Variants in LOXHD1 observed in about 807,000 individuals in gnomAD.
The protein encoded by LOXHD1 is lipoxygenase homology domain-containing protein 1.
In LOXHD1, 205 loss-of-function variants were observed where a neutral mutation model predicts 248.2. The ratio of observed to expected loss-of-function variants is 0.83; its 90% CI spans 0.74 to 0.93. LOXHD1 has a LOEUF of 0.93. Ranked by LOEUF, LOXHD1 falls within the 40% of genes least tolerant of loss-of-function variation. The probability of loss-of-function intolerance (pLI) is 0.00; values close to 1 mark genes in which losing one functional copy is unlikely to be tolerated. For missense variants in LOXHD1, 2,930 were observed against 2,971.6 expected, an observed-to-expected ratio of 0.99 and a Z score of 0.33; for synonymous variants, 1,113 against 1,162.8, an observed-to-expected ratio of 0.96 and a Z score of 0.87.
chr18:46,604,311 CTT>C, intron 6 of LOXHD1, 82 bp from the exon 7 acceptor site: 1 of 1,508,734 alleles, frequency 6.6e-7, no homozygotes, highest in South Asian at 1.3e-5. Context: ...CTTCCAATCA[CTT>C]GAGTCTACTT....
At chr18:46,598,150 G>A (rs1157026531) in intron 8 of LOXHD1, among the ~76,000 whole-genome samples, 1 of 152,082 alleles carries the variant, frequency 6.6e-6, no homozygotes, top group Non-Finnish European at 1.5e-5. Context: ...TAAAAAAGCA[G>A]TTAGTTTGCC....
chr18:46,503,318 A>T (rs1236377088), intron 37 of LOXHD1, among the ~76,000 whole-genome samples: 1 of 152,066 alleles, frequency 6.6e-6, no homozygotes. Context: ...GGGTAGACAG[A>T]CCTTGTCCTT....
chr18:46,518,110 A>C lies in LOXHD1; in HGVS notation c.5399+19T>G, dbSNP rs1335104420. ...GTTGAATGTGGGAGGGGTGAGGGGC[A>C]GGGGCCGCCTCCAGGTACCTGGCTT... On this transcript the variant is annotated intron_variant, in intron 34 of 40. Transcript: ENST00000642948. 6.5e-7 allele frequency: 1 copy of C among 1,548,956 alleles called. No individual in the cohort carries two copies. The highest frequency in any genetic ancestry group is 1.2e-5 in the South Asian group (1 of 83,978).
At chr18:46,559,427 G>A in intron 20 of LOXHD1, 21 bp downstream of exon 20, 1 of 1,551,958 alleles carries the variant, frequency 6.4e-7, no homozygotes, top group Non-Finnish European at 8.7e-7. Flanking sequence ...CCCACCCAGG[G>A]GCCAGAGACC....
rs747225244 is a variant in LOXHD1 at position 46,639,598 on chromosome 18, G to A, written c.511+18C>T. The A allele has an allele frequency of 3.2e-6, 5 of 1,543,228 alleles. No homozygotes were observed. Among genetic ancestry groups the A allele is most frequent in the Middle Eastern group, 1.7e-4 (1 of 5,918 alleles). On this transcript the variant is annotated intron_variant, in intron 4 of 40. Transcript: ENST00000642948. The stretch of plus-strand genomic sequence containing the variant: ...CCAGCTAGGGAGGGATGGCAGGCAG[G>A]CCAGCCTAGGCACTGACCTCTGGGC...
intron 2 of LOXHD1, among the ~76,000 whole-genome samples, chr18:46,647,087 T>C (rs1290865723): frequency 2.0e-5 from 3 of 152,166 alleles, no homozygotes; most frequent in African/African-American, 7.2e-5. Context: ...GGTCCATATA[T>C]AGGCAGAGAC....
intron 33 of LOXHD1, chr18:46,518,923 C>T: frequency 1.0e-6 from 1 of 985,556 alleles, no homozygotes; most frequent in Non-Finnish European, 1.2e-6. Flanking sequence ...AGACAATCCC[C>T]TAGTTCCATG....
chr18:46,512,211 C>T (rs555224752), intron 34 of LOXHD1, among the ~76,000 whole-genome samples: 36 of 152,252 alleles, frequency 2.4e-4, no homozygotes, highest in African/African-American at 8.2e-4. Context: ...ATAACAACAT[C>T]GCCATTTTAA....
At chr18:46,568,507 G>A (rs886098889) in intron 16 of LOXHD1, among the ~76,000 whole-genome samples, 3 of 152,120 alleles carry the variant, frequency 2.0e-5, no homozygotes, top group Admixed American at 6.5e-5. Flanking sequence ...TACTGTGCTT[G>A]CCTTAGAAAA....
chr18:46,551,106 C>CTTTTTTTTTT (rs1239620935), intron 21 of LOXHD1, among the ~76,000 whole-genome samples: 1 of 141,026 alleles, frequency 7.1e-6, no homozygotes, highest in Non-Finnish European at 1.5e-5. Flanking sequence ...CTTTTCTTTT[C>CTTTTTTTTTT]TTTTTTTTTT....
At chr18:46,534,309 G>GTCAACAGGACAAAAGAAA (rs1196729438) in intron 27 of LOXHD1, 26 bp downstream of exon 27, 1 of 1,499,878 alleles carries the variant, frequency 6.7e-7, no homozygotes, top group Non-Finnish European at 9.1e-7. Flanking sequence ...AAAAGAAACA[G>GTCAACAGGACAAAAGAAA]CAGGACAGAC....
At position 46,577,804 on chromosome 18, in the gene LOXHD1, C is replaced by A. The variant is rs2063664738; in HGVS notation, c.1873G>T (p.Asp625Tyr). 15 of 1,551,562 alleles carry A rather than the reference C, an allele frequency of 9.7e-6. No homozygotes were observed. The highest frequency in any genetic ancestry group is 1.3e-5 in the Non-Finnish European group (15 of 1,147,002). The change falls in exon 14 of 41, where the codon GAT becomes TAT. Residue 625 changes from aspartate (D) to tyrosine (Y), a missense_variant. Transcript: ENST00000642948. ...CAGCCGCTGCCGGAGCCTTTGCCAT[C>A]GTGTCTGATCCTCACCCGCCTCACA... is the stretch of plus-strand genomic sequence containing the variant. Reference protein sequence around the residue: ...RNVRRVRIRHDGKGSGSGWYL... With the variant: ...RNVRRVRIRHYGKGSGSGWYL...
At chr18:46,534,237 A>AG (rs2036205565) in intron 27 of LOXHD1, 98 bp downstream of exon 27, 1 of 760,722 alleles carries the variant, frequency 1.3e-6, no homozygotes, top group Non-Finnish European at 2.2e-6. Context: ...TATCTCAATA[A>AG]GGCTGATCTA....
rs2032927388 is a variant in LOXHD1 at position 46,485,054 on chromosome 18, G to A, written c.6147C>T (p.Leu2049=). ...CCCGCTGCCTAGAAGAATTTTCCAT[G>A]AGAAACTCTTTGGATCGGTTCTTCC... ...EGRKNRSKEF[L]MENSSRQRAF... Residue 2049 remains leucine (L), a synonymous_variant, in exon 39 of 41, where the codon CTC becomes CTT. Coordinates refer to ENST00000642948, the MANE Select transcript of LOXHD1 (RefSeq NM_001384474.1). 1.9e-6 allele frequency: 3 copies of A among 1,550,702 alleles called. No individual in the cohort carries two copies. The highest frequency in any genetic ancestry group is 2.6e-6 in the Non-Finnish European group (3 of 1,146,644).
intron 37 of LOXHD1, 139 bp downstream of exon 37, chr18:46,505,699 A>G (rs1356062101): frequency 1.6e-5 from 13 of 830,636 alleles, no homozygotes; most frequent in Non-Finnish European, 2.5e-5. Context: ...GGAAGCATCA[A>G]TGTGGTGGTC....
intron 4 of LOXHD1, among the ~76,000 whole-genome samples, chr18:46,623,318 C>A (rs1032291628): frequency 1.3e-5 from 2 of 152,210 alleles, no homozygotes; most frequent in African/African-American, 4.8e-5. Context: ...GCAACCCTAC[C>A]TTTCACATAG....
chr18:46,516,755 T>TCATCAC (rs1318340157), intron 34 of LOXHD1, among the ~76,000 whole-genome samples: 4 of 151,752 alleles, frequency 2.6e-5, no homozygotes, highest in African/African-American at 9.7e-5. Context: ...ATTATCATCA[T>TCATCAC]CATCACCATC....
chr18:46,591,951 C>T lies in LOXHD1; in HGVS notation c.1636G>A (p.Val546Met). ...VREMTAEGPT[V>M]RRIMGMARYH... Reference sequence around the variant, plus strand: ...TACTTACTGCCCATGATCCTGCGCACTGTTGGGCCTTCTGCAGTCATTTCC... The same window carrying T: ...TACTTACTGCCCATGATCCTGCGCATTGTTGGGCCTTCTGCAGTCATTTCC... Residue 546 changes from valine (V) to methionine (M), a missense_variant, in exon 12 of 41, where the codon GTG becomes ATG. Transcript: ENST00000642948. 1 of 1,551,924 alleles carries T rather than the reference C, an allele frequency of 6.4e-7. No individual in the cohort carries two copies.
chr18:46,598,176 C>T (rs895510697), intron 8 of LOXHD1, among the ~76,000 whole-genome samples: 2 of 152,112 alleles, frequency 1.3e-5, no homozygotes, highest in African/African-American at 4.8e-5. Flanking sequence ...AAAATGCACT[C>T]ATATTAGTGC....
Sources: gnomAD v4.1 joint callset for allele counts (sites outside exome capture counted in the v4.1 genomes callset) on GRCh38, gnomAD v4.1.1 for gene constraint, MANE v1.5 for transcripts, NCBI Gene and HGNC (gene_info 2026-07-23, HGNC 2026-07-21) for gene names.